Variants in RBFOX1 observed in about 807,000 individuals in gnomAD.
RBFOX1 encodes the protein RNA binding protein fox-1 homolog 1.
RBFOX1 carries 8 observed loss-of-function variants against 57.7 expected under a neutral mutation model. The ratio of observed to expected loss-of-function variants is 0.14; its 90% CI spans 0.08 to 0.25. RBFOX1 has a LOEUF of 0.25. Ranked by LOEUF, RBFOX1 falls within the 10% of genes least tolerant of loss-of-function variation. The pLI is 1.00. For missense variants in RBFOX1, 611 were observed against 548.5 expected, an observed-to-expected ratio of 1.11 and a Z score of -1.14; for synonymous variants, 326 against 222.4, an observed-to-expected ratio of 1.47 and a Z score of -4.15.
chr16:5,515,444 G>T (rs2043757040), intron 2 of RBFOX1, among the ~76,000 whole-genome samples: 1 of 152,196 alleles, frequency 6.6e-6, no homozygotes, highest in Admixed American at 6.5e-5. Flanking sequence ...GAGGTGTTTT[G>T]TCCTCCCAGG....
intron 4 of RBFOX1, among the ~76,000 whole-genome samples, chr16:7,221,943 G>A (rs1223188447): frequency 3.3e-5 from 5 of 152,208 alleles, no homozygotes; most frequent in African/African-American, 1.2e-4. Flanking sequence ...AAATGCAGAA[G>A]AGGCTTCTAA....
At chr16:7,479,438 G>T (rs370504662) in intron 4 of RBFOX1, among the ~76,000 whole-genome samples, 4 of 152,032 alleles carry the variant, frequency 2.6e-5, no homozygotes, top group African/African-American at 9.7e-5. Flanking sequence ...CCCAAACCCA[G>T]GTATTTTACT....
At chr16:6,568,732 T>C (rs952999995) in intron 2 of RBFOX1, among the ~76,000 whole-genome samples, 1 of 152,126 alleles carries the variant, frequency 6.6e-6, no homozygotes, top group Non-Finnish European at 1.5e-5. Context: ...CAGGGGCCAG[T>C]TGGGTGGAAA....
intron 1 of RBFOX1, among the ~76,000 whole-genome samples, chr16:6,195,942 G>A (rs2097177317): frequency 6.6e-6 from 1 of 152,060 alleles, no homozygotes; most frequent in Non-Finnish European, 1.5e-5. Context: ...AGCCATGCTG[G>A]GAAATAGATT....
chr16:6,971,014 C>G (rs1400868219), intron 3 of RBFOX1, among the ~76,000 whole-genome samples: 1 of 152,164 alleles, frequency 6.6e-6, no homozygotes, highest in African/African-American at 2.4e-5. Flanking sequence ...TTTCCTTCAA[C>G]AGATATTTCT....
chr16:6,006,511 G>C (rs1799444626), intron 4 of RBFOX1, among the ~76,000 whole-genome samples: 1 of 152,252 alleles, frequency 6.6e-6, no homozygotes. Context: ...CCATGACACA[G>C]AAGAAAGAAA....
intron 1 of RBFOX1, among the ~76,000 whole-genome samples, chr16:6,275,579 A>G (rs537421251): frequency 2.8e-4 from 43 of 152,304 alleles, no homozygotes; most frequent in Non-Finnish European, 1.0e-4. Flanking sequence ...TATGGTAGAC[A>G]TGGGGGAGTC....
intron 3 of RBFOX1, among the ~76,000 whole-genome samples, chr16:5,707,949 T>C (rs1024792674): frequency 3.3e-5 from 5 of 152,196 alleles, no homozygotes; most frequent in Non-Finnish European, 7.3e-5. Context: ...TAGTTTTCTA[T>C]TCACTAGGTA....
intron 3 of RBFOX1, among the ~76,000 whole-genome samples, chr16:7,009,223 TTTC>T (rs973517992): frequency 3.7e-5 from 5 of 135,670 alleles, no homozygotes; most frequent in Non-Finnish European, 7.8e-5. Flanking sequence ...TCTGTCCCTC[TTTC>T]TTTTTTCTTC....
At chr16:6,730,538 T>C (rs1251763547) in intron 3 of RBFOX1, among the ~76,000 whole-genome samples, 1 of 152,182 alleles carries the variant, frequency 6.6e-6, no homozygotes, top group Admixed American at 6.5e-5. Flanking sequence ...TGTCTATCAA[T>C]CTATGTATCT....
intron 4 of RBFOX1, among the ~76,000 whole-genome samples, chr16:7,269,739 T>C (rs1448627113): frequency 6.6e-6 from 1 of 152,210 alleles, no homozygotes; most frequent in East Asian, 1.9e-4. Flanking sequence ...AAGTCTTTGT[T>C]TACATTTTTG....
chr16:7,317,839 C>G (rs928521862), intron 4 of RBFOX1, among the ~76,000 whole-genome samples: 2 of 152,208 alleles, frequency 1.3e-5, no homozygotes, highest in African/African-American at 2.4e-5. Context: ...GAGGTAACAG[C>G]AAGACCACAA....
At chr16:6,476,510 G>C (rs1385033371) in intron 2 of RBFOX1, among the ~76,000 whole-genome samples, 1 of 152,132 alleles carries the variant, frequency 6.6e-6, no homozygotes, top group Non-Finnish European at 1.5e-5. Context: ...CAATAGCATT[G>C]TATCTAAAAA....
intron 2 of RBFOX1, among the ~76,000 whole-genome samples, chr16:5,481,068 A>G (rs1212333902): frequency 6.6e-6 from 1 of 152,204 alleles, no homozygotes; most frequent in African/African-American, 2.4e-5. Flanking sequence ...ACTAGCTCTA[A>G]AAATACTCCG....
At chr16:6,333,037 C>T (rs2152810036) in intron 2 of RBFOX1, among the ~76,000 whole-genome samples, 1 of 152,128 alleles carries the variant, frequency 6.6e-6, no homozygotes, top group Admixed American at 6.6e-5. Context: ...TGACATGTGA[C>T]ATTCTTTTTT....
intron 1 of RBFOX1, among the ~76,000 whole-genome samples, chr16:5,430,056 A>G (rs925573762): frequency 2.0e-5 from 3 of 152,234 alleles, no homozygotes; most frequent in African/African-American, 4.8e-5. Context: ...CTTCAAGCAT[A>G]CATTCACTCA....
intron 3 of RBFOX1, among the ~76,000 whole-genome samples, chr16:5,838,994 G>T (rs1201986546): frequency 1.3e-5 from 2 of 152,118 alleles, no homozygotes; most frequent in African/African-American, 4.8e-5. Context: ...AGTATTTTTG[G>T]TTTCACAGCT....
At chr16:7,506,998 T>C (rs1291755425) in intron 4 of RBFOX1, among the ~76,000 whole-genome samples, 1 of 152,170 alleles carries the variant, frequency 6.6e-6, no homozygotes, top group Non-Finnish European at 1.5e-5. Context: ...GATTTTTCCC[T>C]CTAAAGCATC....
At chr16:6,689,991 G>T (rs541726612) in intron 3 of RBFOX1, among the ~76,000 whole-genome samples, 1 of 152,180 alleles carries the variant, frequency 6.6e-6, no homozygotes, top group Non-Finnish European at 1.5e-5. Context: ...TAGAAAATCA[G>T]CTTTGGGTAT....
Sources: gnomAD v4.1 joint callset for allele counts (sites outside exome capture counted in the v4.1 genomes callset) on GRCh38, gnomAD v4.1.1 for gene constraint, MANE v1.5 for transcripts, NCBI Gene and HGNC (gene_info 2026-07-23, HGNC 2026-07-21) for gene names.